NAV3: variants seen among roughly 807,000 people sequenced by gnomAD.
NAV3 encodes pore membrane and/or filament interacting like protein 1.
A neutral mutation model predicts 244.7 loss-of-function variants in NAV3; 87 were observed. The observed-to-expected ratio is 0.36, with a 90% CI of 0.30 to 0.42. NAV3 has a LOEUF of 0.42. Ranked by LOEUF, NAV3 falls within the 20% of genes least tolerant of loss-of-function variation. NAV3 has a pLI of 1.00. For synonymous variants in NAV3, 1,126 were observed against 1,042.2 expected, an observed-to-expected ratio of 1.08 and a Z score of -1.55; for missense variants, 2,663 against 2,893.3, an observed-to-expected ratio of 0.92 and a Z score of 1.83.
intron 39 of NAV3, among the ~76,000 whole-genome samples, chr12:78,206,497 T>C (rs1270692487): frequency 6.6e-6 from 1 of 152,192 alleles, no homozygotes; most frequent in Non-Finnish European, 1.5e-5. Flanking sequence ...GAGGTGTTTA[T>C]AAGATTTGTT....
At chr12:77,780,312 T>TC (rs1870599798) in intron 2 of NAV3, among the ~76,000 whole-genome samples, 3 of 152,140 alleles carry the variant, frequency 2.0e-5, no homozygotes, top group African/African-American at 7.2e-5. Flanking sequence ...CCATTGTATT[T>TC]CCCCCTATTG....
rs1479026 is a variant in NAV3 at position 77,925,539 on chromosome 12, C to T, written c.244-14780C>T. Among the ~76,000 whole-genome samples, 230 of 103,598 alleles carry T rather than the reference C, an allele frequency of 2.2e-3. 1 individual carries two copies. The highest frequency in any genetic ancestry group is 6.0e-3 in the African/African-American group (185 of 31,062). The allele number at this position is 103,598 out of a possible 152,430, so 68.0% of individuals were successfully genotyped here. A position where few individuals can be genotyped will look rare whatever the true frequency, so the allele number is the denominator to read the frequency against. ...ATGAAAGGATTTTAGGATGAAAAGG[C>T]GGGGGGAGGTTTAGGGTGGCTGTTA... is the stretch of plus-strand genomic sequence containing the variant. On this transcript the variant is annotated intron_variant, in intron 1 of 39. Coordinates refer to ENST00000397909, the MANE Select transcript of NAV3 (RefSeq NM_001024383.2).
intron 9 of NAV3, among the ~76,000 whole-genome samples, chr12:78,032,939 A>C (rs927200888): frequency 6.6e-6 from 1 of 152,150 alleles, no homozygotes; most frequent in Non-Finnish European, 1.5e-5. Context: ...ACTATCCACC[A>C]ACATGTAACA....
intron 2 of NAV3, among the ~76,000 whole-genome samples, chr12:77,754,378 C>T (rs1869019296): frequency 6.6e-6 from 1 of 152,046 alleles, no homozygotes; most frequent in Admixed American, 6.6e-5. Context: ...GTCCAAAGTC[C>T]CCTTCAAGCT....
At chr12:77,680,775 A>AAG (rs149574870) in intron 2 of NAV3, among the ~76,000 whole-genome samples, 4,524 of 152,230 alleles carry the variant, frequency 0.03, 220 homozygotes, top group African/African-American at 0.1. Context: ...GGAAAGTTAA[A>AAG]AGAGAGTCTT....
At chr12:77,884,972 TTAA>T (rs1883105156) in intron 1 of NAV3, among the ~76,000 whole-genome samples, 1 of 152,140 alleles carries the variant, frequency 6.6e-6, no homozygotes, top group African/African-American at 2.4e-5. Flanking sequence ...GTAATTTTTG[TTAA>T]TAATGATGTC....
intron 3 of NAV3, among the ~76,000 whole-genome samples, chr12:77,961,945 G>C (rs1021286840): frequency 1.3e-5 from 2 of 151,742 alleles, no homozygotes; most frequent in Non-Finnish European, 2.9e-5. Flanking sequence ...TATTTGATAA[G>C]CACTATTATG....
intron 12 of NAV3, among the ~76,000 whole-genome samples, chr12:78,105,897 T>G (rs914261511): frequency 6.6e-6 from 1 of 151,598 alleles, no homozygotes; most frequent in East Asian, 1.9e-4. Flanking sequence ...ATTTTATATT[T>G]TATGATATTC....
chr12:77,618,469 A>C (rs1164362663), intron 2 of NAV3, among the ~76,000 whole-genome samples: 1 of 152,186 alleles, frequency 6.6e-6, no homozygotes, highest in African/African-American at 2.4e-5. Flanking sequence ...TGGACATGCA[A>C]TATTCGATTG....
chr12:78,128,731 A>G lies in NAV3; in HGVS notation c.4306A>G (p.Asn1436Asp), dbSNP rs2138849256. The change falls in exon 18 of 40, where the codon AAC (asparagine) becomes GAC (aspartate). Residue 1436 changes from asparagine (N) to aspartate (D), a missense_variant. This residue lies in a region of NAV3 where 354 missense variants were observed against 413.0 expected (regional missense o/e 0.86). Transcript: ENST00000397909. ...LRYTPSSRQA[N>D]QEEGKEWLRS... is the part of the protein sequence containing the mutation. The stretch of plus-strand genomic sequence containing the variant: ...ATATACCCCATCATCTCGGCAGGCC[A>G]ACCAAGAAGAGGGCAAAGAGTGGTT... 6.2e-7 allele frequency: 1 copy of G among 1,613,984 alleles called. No individual in the cohort carries two copies. The highest frequency in any genetic ancestry group is 8.5e-7 in the Non-Finnish European group (1 of 1,179,920).
At chr12:78,163,763 A>G (rs1191284478) in intron 23 of NAV3, among the ~76,000 whole-genome samples, 1 of 152,066 alleles carries the variant, frequency 6.6e-6, no homozygotes, top group Non-Finnish European at 1.5e-5. Context: ...GCATTACCCT[A>G]TACCTAACCT....
At chr12:78,030,187 A>T (rs960505435) in intron 9 of NAV3, among the ~76,000 whole-genome samples, 1 of 152,196 alleles carries the variant, frequency 6.6e-6, no homozygotes, top group East Asian at 1.9e-4. Context: ...AGGGATATTA[A>T]GCCTGTAATA....
intron 16 of NAV3, among the ~76,000 whole-genome samples, chr12:78,123,972 C>A (rs956645064): frequency 3.3e-5 from 5 of 152,040 alleles, no homozygotes; most frequent in African/African-American, 1.2e-4. Context: ...GATAAACAAC[C>A]TATAGTTTTA....
intron 2 of NAV3, among the ~76,000 whole-genome samples, chr12:77,765,770 A>C (rs1469989003): frequency 6.6e-6 from 1 of 152,102 alleles, no homozygotes; most frequent in Non-Finnish European, 1.5e-5. Flanking sequence ...CTGGGAATAG[A>C]AGTCAGAAAA....
intron 23 of NAV3, among the ~76,000 whole-genome samples, chr12:78,167,811 C>T (rs1194603358): frequency 6.6e-6 from 1 of 151,470 alleles, no homozygotes; most frequent in African/African-American, 2.4e-5. Flanking sequence ...GAAGATACCC[C>T]TTGTCACTGA....
rs75239190 is a variant in NAV3 at position 77,602,236 on chromosome 12, C to T, written c.72+29970C>T. ...TCTCCAGTCTGGATGGCAATGTACC[C>T]AGCTAAAACTTGGAAATTGAATTAT... On this transcript the variant is annotated intron_variant, in intron 2 of 8. Coordinates refer to the NAV3 transcript ENST00000550042. 5.5e-4 allele frequency among the ~76,000 whole-genome samples: 84 copies of T among 152,050 alleles called. No individual in the cohort carries two copies. The East Asian group carries it at 0.015, about 27-fold the overall frequency.
Position 77,993,081 on chromosome 12 carries a change from T to TGCC in NAV3, c.672-1721_672-1720insCCG, listed in dbSNP as rs1593220356. Among the ~76,000 whole-genome samples the TGCC allele has an allele frequency of 2.0e-5, 3 of 152,322 alleles. No individual in the cohort carries two copies. The East Asian group carries it at 5.8e-4, about 29-fold the overall frequency. On this transcript the variant is annotated intron_variant, in intron 5 of 39. Coordinates refer to ENST00000397909, the MANE Select transcript of NAV3 (RefSeq NM_001024383.2). ...ACACACATGGACCATAAAATGAAAT[T>TGCC]GATTTTGGCCAAATCATTCAAACTT...
At chr12:77,761,941 G>T (rs1464966078) in intron 2 of NAV3, among the ~76,000 whole-genome samples, 1 of 152,014 alleles carries the variant, frequency 6.6e-6, no homozygotes, top group Non-Finnish European at 1.5e-5. Context: ...ATACCCAAAG[G>T]ATCACAAATC....
chr12:77,607,297 C>T (rs1870712578), intron 2 of NAV3, among the ~76,000 whole-genome samples: 1 of 152,108 alleles, frequency 6.6e-6, no homozygotes, highest in Non-Finnish European at 1.5e-5. Context: ...GAATCTTCTA[C>T]TACCCTAGAC....
Sources: allele counts gnomAD v4.1 joint callset (sites outside exome capture counted in the v4.1 genomes callset), GRCh38; gene constraint gnomAD v4.1.1; regional missense constraint gnomAD v4.1.1; transcripts MANE v1.5; gene names NCBI Gene and HGNC (gene_info 2026-07-23, HGNC 2026-07-21).